The following YWHAQ variants were observed in gnomAD, a reference collection of about 807,000 sequenced individuals.
YWHAQ encodes the protein tyrosine 3-monooxygenase/tryptophan 5-monooxygenase activation protein theta, also known as 14-3-3 protein theta.
YWHAQ carries 6 observed loss-of-function variants against 28.3 expected under a neutral mutation model. The ratio of observed to expected loss-of-function variants is 0.21; its 90% CI spans 0.12 to 0.42. YWHAQ has a LOEUF of 0.42. Ranked by LOEUF, YWHAQ falls within the 10% of genes least tolerant of loss-of-function variation. YWHAQ has a pLI of 1.00. For synonymous variants in YWHAQ, 143 were observed against 119.1 expected, an observed-to-expected ratio of 1.20 and a Z score of -1.31; for missense variants, 201 against 305.6, an observed-to-expected ratio of 0.66 and a Z score of 2.55.
intron 2 of YWHAQ, among the ~76,000 whole-genome samples, chr2:9,619,913 CCTGTGAG>C (rs1273597891): frequency 4.6e-5 from 7 of 152,128 alleles, no homozygotes; most frequent in African/African-American, 1.7e-4. Context: ...GAGCAAAAAT[CCTGTGAG>C]CTGCATTCAA....
chr2:9,605,422 C>T (rs1666804192), intron 2 of YWHAQ, among the ~76,000 whole-genome samples: 1 of 152,092 alleles, frequency 6.6e-6, no homozygotes. Context: ...GGCATGAGGC[C>T]ACCACACCCC....
In YWHAQ at chr2:9,585,019, C is replaced by T; in HGVS notation, c.*267G>A. The T allele has an allele frequency of 5.0e-6, 2 of 396,836 alleles. No homozygotes were observed. The highest frequency in any genetic ancestry group is 9.1e-5 in the South Asian group (2 of 21,992). The allele number at this position is 396,836 out of a possible 1,614,324, so 24.6% of individuals were successfully genotyped here. A position where few individuals can be genotyped will look rare whatever the true frequency, so the allele number is the denominator to read the frequency against. On this transcript the variant is annotated 3_prime_UTR_variant, in exon 6 of 6. Coordinates refer to ENST00000238081, the MANE Select transcript of YWHAQ (RefSeq NM_006826.4). ...TTAAATACCAGATACATTTTTAGTC[C>T]TCTACATAAGTGTTTGGGAGTTACT...
intron 2 of YWHAQ, among the ~76,000 whole-genome samples, chr2:9,608,006 C>A (rs1309802839): frequency 6.6e-6 from 1 of 151,984 alleles, no homozygotes; most frequent in African/African-American, 2.4e-5. Context: ...CCGAGCCTGG[C>A]CAAATGTTAC....
chr2:9,585,270 G>T lies in YWHAQ; in HGVS notation c.*16C>A. On this transcript the variant is annotated 3_prime_UTR_variant, in exon 6 of 6. Transcript: ENST00000238081. ...AAGGTTTCTTGAAGGAAAGAAGGATGACACCCTGTATGGATTTAGTTTTCA... is the reference window on the plus strand; with the variant it reads ...AAGGTTTCTTGAAGGAAAGAAGGATTACACCCTGTATGGATTTAGTTTTCA... 6.2e-7 allele frequency: 1 copy of T among 1,613,944 alleles called. No individual in the cohort carries two copies. Among genetic ancestry groups the T allele is most frequent in the South Asian group, 1.1e-5 (1 of 91,068 alleles).
intron 5 of YWHAQ, among the ~76,000 whole-genome samples, chr2:9,586,747 G>A (rs1666350090): frequency 6.6e-6 from 1 of 152,156 alleles, no homozygotes; most frequent in African/African-American, 2.4e-5. Context: ...AGGGGGCTGG[G>A]AGGACGAGAT....
intron 2 of YWHAQ, among the ~76,000 whole-genome samples, chr2:9,629,902 T>C (rs1042907982): frequency 5.9e-5 from 9 of 152,150 alleles, no homozygotes; most frequent in African/African-American, 9.7e-5. Context: ...AGAGACCTAC[T>C]TGGATGTTTC....
At chr2:9,599,589 G>A (rs974423513) in intron 2 of YWHAQ, among the ~76,000 whole-genome samples, 2 of 152,062 alleles carry the variant, frequency 1.3e-5, no homozygotes, top group African/African-American at 4.8e-5. Flanking sequence ...TCTACAAATG[G>A]AACAACCAAC....
chr2:9,611,160 C>T (rs1044147458), intron 2 of YWHAQ, among the ~76,000 whole-genome samples: 4 of 152,170 alleles, frequency 2.6e-5, no homozygotes, highest in Non-Finnish European at 5.9e-5. Flanking sequence ...AATGTACAGT[C>T]TAAAAAAGTG....
chr2:9,623,628 C>G (rs552629497), intron 2 of YWHAQ, among the ~76,000 whole-genome samples: 1 of 152,034 alleles, frequency 6.6e-6, no homozygotes, highest in Non-Finnish European at 1.5e-5. Context: ...ACAAAATTAG[C>G]CGGGTGTGGT....
chr2:9,620,228 G>A (rs1000550140), intron 2 of YWHAQ, among the ~76,000 whole-genome samples: 2 of 152,144 alleles, frequency 1.3e-5, no homozygotes, highest in Admixed American at 1.3e-4. Context: ...TGTAGCAAAG[G>A]TACAGGAGAC....
intron 2 of YWHAQ, among the ~76,000 whole-genome samples, chr2:9,607,018 G>A (rs7605763): frequency 0.017 from 2,631 of 151,260 alleles, 79 homozygotes; most frequent in African/African-American, 0.061. Flanking sequence ...CCAAGTAGCT[G>A]GGATTACACG....
chr2:9,620,283 C>T (rs150166325), intron 2 of YWHAQ, among the ~76,000 whole-genome samples: 25 of 152,234 alleles, frequency 1.6e-4, no homozygotes, highest in African/African-American at 6.0e-4. Context: ...GTATTTAGTA[C>T]CACACTGTGC....
At chr2:9,625,562 A>G (rs1667233305) in intron 2 of YWHAQ, among the ~76,000 whole-genome samples, 1 of 152,168 alleles carries the variant, frequency 6.6e-6, no homozygotes, top group African/African-American at 2.4e-5. Flanking sequence ...AAGCAGTTAC[A>G]CCACTTGGGT....
At chr2:9,616,983 CAG>C (rs914245925) in intron 2 of YWHAQ, among the ~76,000 whole-genome samples, 15 of 152,270 alleles carry the variant, frequency 9.9e-5, no homozygotes, top group Admixed American at 2.6e-4. Context: ...TATTTGGAGA[CAG>C]AGTCTTACTC....
At chr2:9,627,904 A>C (rs919459053) in intron 2 of YWHAQ, among the ~76,000 whole-genome samples, 9 of 152,044 alleles carry the variant, frequency 5.9e-5, no homozygotes, top group Admixed American at 2.0e-4. Flanking sequence ...CGTTCACCCC[A>C]AAAAAACGGT....
intron 2 of YWHAQ, among the ~76,000 whole-genome samples, chr2:9,611,356 G>A (rs190701476): frequency 3.3e-5 from 5 of 152,298 alleles, no homozygotes; most frequent in Admixed American, 2.6e-4. Flanking sequence ...TGTCAACACA[G>A]TACTGCAATC....
intron 2 of YWHAQ, chr2:9,620,793 A>T (rs1330261332): frequency 6.6e-6 from 1 of 152,206 alleles, no homozygotes; most frequent in East Asian, 1.9e-4. Context: ...GGGGCAGAGA[A>T]ATGGGAAGGG....
chr2:9,630,902 G>A lies in YWHAQ; in HGVS notation c.-83+39C>T, dbSNP rs925936744. On this transcript the variant is annotated intron_variant, in intron 1 of 5. Transcript: ENST00000238081. This position sits in a 1 kb window ranked among gnomAD's most constrained non-coding sequence, Gnocchi z 5.6. Reference sequence around the variant, plus strand: ...CCTCCGCCCGGCCCTCAATCCGAGCGCGGCCGGAGGAAGCCCGCGGGCCGA... The same window carrying A: ...CCTCCGCCCGGCCCTCAATCCGAGCACGGCCGGAGGAAGCCCGCGGGCCGA... The A allele has an allele frequency of 1.3e-5, 2 of 152,718 alleles. No homozygotes were observed. The highest frequency in any genetic ancestry group is 2.9e-5 in the Non-Finnish European group (2 of 68,134). 9.5% of individuals were successfully genotyped at this position (152,718 alleles called of 1,614,324 possible).
At chr2:9,590,078 TA>T (rs1666427854) in intron 3 of YWHAQ, among the ~76,000 whole-genome samples, 1 of 152,172 alleles carries the variant, frequency 6.6e-6, no homozygotes, top group Non-Finnish European at 1.5e-5. Flanking sequence ...TCTCAGCAAT[TA>T]GGCTATAAAG....
Sources: gnomAD v4.1 joint callset for allele counts (sites outside exome capture counted in the v4.1 genomes callset) on GRCh38, gnomAD v4.1.1 for gene constraint, Gnocchi (gnomAD v3.1) non-coding constraint, MANE v1.5 for transcripts, NCBI Gene and HGNC (gene_info 2026-07-23, HGNC 2026-07-21) for gene names.